Variants in USHBP1 observed in about 807,000 individuals in gnomAD.
USHBP1 encodes USH1 protein network component harmonin binding protein 1, also known as harmonin-binding protein USHBP1.
In USHBP1, 67 loss-of-function variants were observed where a neutral mutation model predicts 76.2. That is an observed-to-expected ratio of 0.88 (90% CI 0.72 to 1.08). The LOEUF is 1.08. USHBP1 is among the 50% of genes least tolerant of loss of function. The probability of loss-of-function intolerance (pLI) is 0.00; values close to 1 mark genes in which losing one functional copy is unlikely to be tolerated. For synonymous variants in USHBP1, 322 were observed against 362.2 expected, an observed-to-expected ratio of 0.89 and a Z score of 1.26; for missense variants, 931 against 915.0, an observed-to-expected ratio of 1.02 and a Z score of -0.23.
intron 3 of USHBP1, chr19:17,263,260 A>C: frequency 3.4e-6 from 1 of 291,902 alleles, no homozygotes; most frequent in Non-Finnish European, 6.3e-6. Context: ...CTGGTGTCAA[A>C]CTCCTGACCT....
rs992513091 is a variant in USHBP1 at position 17,264,544 on chromosome 19, T to C, written c.-49+127A>G. On this transcript the variant is annotated intron_variant, in intron 1 of 12. Coordinates refer to ENST00000252597, the MANE Select transcript of USHBP1 (RefSeq NM_031941.4). Reference sequence around the variant, plus strand: ...GAAGGTTGTCCTGATCTCCCCCTTCTTCTCTGCCTTCTTTACCTTCACTAC... The same window carrying C: ...GAAGGTTGTCCTGATCTCCCCCTTCCTCTCTGCCTTCTTTACCTTCACTAC... 8 of 540,244 alleles carry C rather than the reference T, an allele frequency of 1.5e-5. No homozygotes were observed. The African/African-American group carries it at 1.5e-4, about 10-fold the overall frequency. 33.5% of individuals were successfully genotyped at this position (540,244 alleles called of 1,614,324 possible). A position where few individuals can be genotyped will look rare whatever the true frequency, so the allele number is the denominator to read the frequency against.
chr19:17,264,209 C>G (rs1379057326), intron 2 of USHBP1, 37 bp downstream of exon 2: 1 of 1,613,130 alleles, frequency 6.2e-7, no homozygotes, highest in Non-Finnish European at 8.5e-7. Context: ...TTGGGGTCCC[C>G]AGGATCTGGG....
At position 17,256,451 on chromosome 19, in the gene USHBP1, T is replaced by TGGCCACAGC. The variant is rs1215738110; in HGVS notation, c.1470+11_1470+19dup. ...GTCCCACCAAGAAAGACTGACACAGTGGCCACAGCCCATTTGTACCCTTGC... is the reference window on the plus strand; with the variant it reads ...GTCCCACCAAGAAAGACTGACACAGTGGCCACAGCGGCCACAGCCCATTTGTACCCTTGC... On this transcript the variant is annotated intron_variant, in intron 9 of 12. Coordinates refer to ENST00000252597, the MANE Select transcript of USHBP1 (RefSeq NM_031941.4). 1.2e-6 allele frequency: 2 copies of TGGCCACAGC among 1,611,896 alleles called. No homozygotes were observed. Among genetic ancestry groups the TGGCCACAGC allele is most frequent in the Admixed American group, 3.3e-5 (2 of 59,886 alleles).
At chr19:17,260,067 C>G in intron 4 of USHBP1, 45 bp from the exon 5 acceptor site, 2 of 1,581,798 alleles carry the variant, frequency 1.3e-6, no homozygotes, top group Non-Finnish European at 1.7e-6. Context: ...CTCAAACCAA[C>G]CACCAGCCCT....
In USHBP1 at chr19:17,264,083, C is replaced by G; in HGVS notation, c.122G>C (p.Ser41Thr). 1 of 1,614,012 alleles carries G rather than the reference C, an allele frequency of 6.2e-7. No individual in the cohort carries two copies. Among genetic ancestry groups the G allele is most frequent in the Non-Finnish European group, 8.5e-7 (1 of 1,179,938 alleles). ...VEAASGSSKPSFAPPPVSSGL... is the reference protein window; with the variant it reads ...VEAASGSSKPTFAPPPVSSGL... The stretch of plus-strand genomic sequence containing the variant: ...GGAGCTCACCGGAGGTGGGGCAAAG[C>G]TGGGCTTGGAGCTCCCACTGGCTGC... Residue 41 changes from serine (S) to threonine (T), a missense_variant, in exon 3 of 13, where the codon AGC becomes ACC. Physicochemically the swap from Ser to Thr is moderately conservative, Grantham distance 58. Transcript: ENST00000252597.
chr19:17,258,392 G>A lies in USHBP1; in HGVS notation c.1047-7C>T. ...TGCCTCTTCACAGTGTTCACTGTGG[G>A]ACACTGGTTCTGAGTGCTTCAGGAC... On this transcript the variant is annotated splice_polypyrimidine_tract_variant and splice_region_variant and intron_variant, in intron 7 of 12. Transcript: ENST00000252597. 1 of 1,612,008 alleles carries A rather than the reference G, an allele frequency of 6.2e-7. No homozygotes were observed. The highest frequency in any genetic ancestry group is 1.3e-5 in the African/African-American group (1 of 75,008).
intron 10 of USHBP1, among the ~76,000 whole-genome samples, chr19:17,252,317 T>C (rs2073563259): frequency 6.6e-6 from 1 of 151,986 alleles, no homozygotes; most frequent in Non-Finnish European, 1.5e-5. Flanking sequence ...TGCCTCAGCC[T>C]CCCAAGTAGT....
At chr19:17,251,321 G>A (rs983946112) in intron 12 of USHBP1, among the ~76,000 whole-genome samples, 1 of 150,528 alleles carries the variant, frequency 6.6e-6, no homozygotes, top group Non-Finnish European at 1.5e-5. Flanking sequence ...GTGCAAAGAC[G>A]CCTAGCTAAT....
intron 4 of USHBP1, among the ~76,000 whole-genome samples, chr19:17,262,146 C>T (rs929202313): frequency 6.6e-5 from 10 of 151,844 alleles, no homozygotes; most frequent in Admixed American, 2.0e-4. Context: ...GATTACAGGC[C>T]TATGCCACCG....
intron 10 of USHBP1, among the ~76,000 whole-genome samples, chr19:17,252,800 T>C (rs1444491912): frequency 1.3e-5 from 2 of 149,972 alleles, no homozygotes; most frequent in Non-Finnish European, 3.0e-5. Context: ...GGCAGGAGAA[T>C]CACTTGAAGC....
chr19:17,255,691 G>T, intron 9 of USHBP1, 85 bp from the exon 10 acceptor site: 1 of 1,383,966 alleles, frequency 7.2e-7, no homozygotes, highest in South Asian at 1.4e-5. Flanking sequence ...ACCCACTGAG[G>T]ACTATTCAGA....
At position 17,251,948 on chromosome 19, in the gene USHBP1, C is replaced by T; in HGVS notation, c.1762G>A (p.Glu588Lys). ...GGQVGRAWDP[E>K]KLAQELAASL... is the part of the protein sequence containing the mutation. ...GCTGCCAGTTCCTGGGCTAACTTCT[C>T]TGGGTCCCAGGCTCTGCCCACCTGG... The change falls in exon 11 of 13, where the codon GAG (glutamate) becomes AAG (lysine). Residue 588 changes from glutamate (E) to lysine (K), a missense_variant. Glu to Lys is a moderately conservative substitution (Grantham distance 56, BLOSUM62 1). Coordinates refer to ENST00000252597, the MANE Select transcript of USHBP1 (RefSeq NM_031941.4). 2 of 1,548,314 alleles carry T rather than the reference C, an allele frequency of 1.3e-6. No individual in the cohort carries two copies. Among genetic ancestry groups the T allele is most frequent in the Non-Finnish European group, 1.7e-6 (2 of 1,147,136 alleles).
chr19:17,257,020 CTTTTT>C (rs574690408), intron 8 of USHBP1, among the ~76,000 whole-genome samples: 2 of 131,826 alleles, frequency 1.5e-5, no homozygotes, highest in African/African-American at 2.8e-5. Context: ...GAGAATCCGT[CTTTTT>C]TTTTTTTTTT....
intron 4 of USHBP1, among the ~76,000 whole-genome samples, chr19:17,261,165 T>C (rs1448439351): frequency 6.6e-6 from 1 of 152,084 alleles, no homozygotes; most frequent in South Asian, 2.1e-4. Flanking sequence ...CTACGCGATC[T>C]GCATTTGTTC....
intron 11 of USHBP1, 53 bp downstream of exon 11, chr19:17,251,858 C>A: frequency 6.6e-7 from 1 of 1,513,780 alleles, no homozygotes; most frequent in South Asian, 1.3e-5. Flanking sequence ...CCCGGGGGCT[C>A]TCACATAGGC....
At position 17,259,918 on chromosome 19, in the gene USHBP1, G is replaced by A. The variant is rs771446439; in HGVS notation, c.747C>T (p.Asp249=). 6.2e-7 allele frequency: 1 copy of A among 1,613,916 alleles called. No homozygotes were observed. Among genetic ancestry groups the A allele is most frequent in the South Asian group, 1.1e-5 (1 of 91,074 alleles). ...TCACCTGAGTCTCCCAGGGTTCCCTGTCTGCCTCAGAGCTGCTAGAACCAC... is the reference window on the plus strand; with the variant it reads ...TCACCTGAGTCTCCCAGGGTTCCCTATCTGCCTCAGAGCTGCTAGAACCAC... ...SGSGSSSSEA[D]REPWETQDSF... is the part of the protein sequence containing the mutation. Residue 249 remains aspartate, a synonymous_variant, in exon 5 of 13, where the codon GAC becomes GAT. Transcript: ENST00000252597.
chr19:17,261,674 G>A (rs2073692042), intron 4 of USHBP1, among the ~76,000 whole-genome samples: 1 of 145,378 alleles, frequency 6.9e-6, no homozygotes, highest in Admixed American at 7.0e-5. Context: ...GTCTCACTCC[G>A]TCACCCAGGC....
At chr19:17,256,299 A>G (rs1024369518) in intron 9 of USHBP1, among the ~76,000 whole-genome samples, 172 bp downstream of exon 9, 8 of 152,076 alleles carry the variant, frequency 5.3e-5, no homozygotes, top group South Asian at 2.1e-4. Flanking sequence ...GAGAAACTGA[A>G]CCCCAGAAAA....
intron 12 of USHBP1, among the ~76,000 whole-genome samples, chr19:17,250,729 T>C (rs2073540387): frequency 6.6e-6 from 1 of 151,764 alleles, no homozygotes; most frequent in Non-Finnish European, 1.5e-5. Flanking sequence ...TTTTTTGTAT[T>C]TTTTAATAGA....
Sources: gnomAD v4.1 joint callset for allele counts (sites outside exome capture counted in the v4.1 genomes callset) on GRCh38, gnomAD v4.1.1 for gene constraint, MANE v1.5 for transcripts, NCBI Gene and HGNC (gene_info 2026-07-23, HGNC 2026-07-21) for gene names.